The following UNC5B variants were observed in gnomAD, a reference collection of about 807,000 sequenced individuals.
The protein encoded by UNC5B is unc-5 netrin receptor B, also known as netrin receptor UNC5B.
UNC5B carries 56 observed loss-of-function variants against 103.7 expected under a neutral mutation model. The observed-to-expected ratio is 0.54, with a 90% CI of 0.44 to 0.67. The LOEUF (loss-of-function observed/expected upper bound fraction) is 0.67. UNC5B is among the 30% of genes least tolerant of loss of function. UNC5B has a pLI of 0.00. For synonymous variants in UNC5B, 577 were observed against 542.0 expected (o/e 1.06, Z -0.90); for missense variants, 1,194 against 1,284.5 (o/e 0.93, Z 1.08).
At chr10:71,233,799 G>A (rs907288591) in intron 1 of UNC5B, among the ~76,000 whole-genome samples, 1 of 152,202 alleles carries the variant, frequency 6.6e-6, no homozygotes. Context: ...TTCCTTCTTT[G>A]TCAGGACCCT....
intron 1 of UNC5B, among the ~76,000 whole-genome samples, chr10:71,215,809 G>A (rs1843317390): frequency 1.8e-4 from 1 of 5,606 alleles, no homozygotes; most frequent in African/African-American, 3.8e-4. Context: ...TCTGCTTGGT[G>A]TGTGTGTGTG....
In UNC5B at chr10:71,298,005, C is replaced by T. The variant is rs756959488; in HGVS notation, c.2587C>T (p.Arg863Cys). Residue 863 changes from arginine to cysteine, a missense_variant, in exon 16 of 17, where the codon CGC becomes TGC. Transcript: ENST00000335350. ...TGCCTTCAAGATCCCACTGTCCATC[C>T]GCCAGAAGATATGCAACAGCCTAGA... Reference protein sequence around the residue: ...PYAFKIPLSIRQKICNSLDAP... With the variant: ...PYAFKIPLSICQKICNSLDAP... 38 of 1,613,864 alleles carry T rather than the reference C, an allele frequency of 2.4e-5. No homozygotes were observed. Among genetic ancestry groups the T allele is most frequent in the East Asian group, 1.1e-4 (5 of 44,884 alleles).
intron 16 of UNC5B, 31 bp downstream of exon 16, chr10:71,298,121 T>C (rs1845491132): frequency 6.4e-7 from 1 of 1,558,980 alleles, no homozygotes; most frequent in Non-Finnish European, 8.7e-7. Flanking sequence ...CCCATCCCCA[T>C]CTGCCTTCGT....
chr10:71,265,427 T>C (rs1272462599), intron 1 of UNC5B, among the ~76,000 whole-genome samples: 1 of 152,174 alleles, frequency 6.6e-6, no homozygotes, highest in Non-Finnish European at 1.5e-5. Flanking sequence ...CTGCCCTGTC[T>C]AGCAGGGGCT....
At position 71,293,894 on chromosome 10, in the gene UNC5B, C is replaced by T. The variant is rs757205800; in HGVS notation, c.2136C>T (p.Leu712=). The T allele has an allele frequency of 4.1e-5, 66 of 1,605,358 alleles. No individual in the cohort carries two copies. In the Middle Eastern group the frequency reaches 8.3e-4, roughly 20 times the overall value. The change falls in exon 13 of 17, where the codon CTC becomes CTT. Residue 712 remains leucine, a synonymous_variant. Transcript: ENST00000335350. ...PALCTSLEYS[L]RVYCLEDTPV... ...TCTGCACCTCCCTGGAGTACAGCCT[C>T]CGGGTCTACTGCCTGGAGGACACGC... is the stretch of plus-strand genomic sequence containing the variant.
At chr10:71,291,193 C>G in intron 9 of UNC5B, 84 bp downstream of exon 9, 4 of 1,485,474 alleles carry the variant, frequency 2.7e-6, no homozygotes, top group Admixed American at 2.0e-5. Context: ...GAGCCAGGCT[C>G]CTGACTCCCT....
intron 1 of UNC5B, among the ~76,000 whole-genome samples, chr10:71,240,984 T>C (rs2132258939): frequency 6.6e-6 from 1 of 152,328 alleles, no homozygotes; most frequent in South Asian, 2.1e-4. Context: ...AATTTTGTTG[T>C]TGTTGTTGTT....
At chr10:71,280,393 A>G (rs376813100) in intron 2 of UNC5B, among the ~76,000 whole-genome samples, 2 of 152,152 alleles carry the variant, frequency 1.3e-5, no homozygotes, top group Admixed American at 1.3e-4. Flanking sequence ...CACGGCACCG[A>G]CCCAGAATTC....
chr10:71,260,694 G>C (rs1434698600), intron 1 of UNC5B, among the ~76,000 whole-genome samples: 1 of 152,246 alleles, frequency 6.6e-6, no homozygotes, highest in African/African-American at 2.4e-5. Flanking sequence ...CGGCAGCCAG[G>C]ATCAAAGGCA....
intron 1 of UNC5B, among the ~76,000 whole-genome samples, chr10:71,218,886 G>A (rs1843394278): frequency 6.6e-6 from 1 of 152,216 alleles, no homozygotes; most frequent in Admixed American, 6.5e-5. Flanking sequence ...ATCTCAGGCT[G>A]ACGTGGCTGG....
intron 4 of UNC5B, among the ~76,000 whole-genome samples, 154 bp downstream of exon 4, chr10:71,285,583 T>G (rs1020460831): frequency 5.9e-5 from 9 of 152,200 alleles, no homozygotes; most frequent in African/African-American, 1.9e-4. Flanking sequence ...AGAAGAGAAC[T>G]GTTACCTCTG....
intron 6 of UNC5B, among the ~76,000 whole-genome samples, 196 bp downstream of exon 6, chr10:71,287,961 A>T (rs1450346802): frequency 2.0e-5 from 3 of 152,084 alleles, no homozygotes; most frequent in African/African-American, 7.2e-5. Flanking sequence ...TGCTGGTGAG[A>T]TGGAGGCAGA....
intron 9 of UNC5B, 24 bp downstream of exon 9, chr10:71,291,133 G>A (rs1221448080): frequency 1.2e-5 from 20 of 1,600,516 alleles, no homozygotes; most frequent in Non-Finnish European, 1.5e-5. Flanking sequence ...GATGTCTGGG[G>A]TGGTTGGCAG....
chr10:71,218,418 C>T (rs1843382472), intron 1 of UNC5B, among the ~76,000 whole-genome samples: 1 of 152,188 alleles, frequency 6.6e-6, no homozygotes, highest in South Asian at 2.1e-4. Context: ...GGGGATTCCA[C>T]TTCAGGATGG....
At position 71,293,456 on chromosome 10, in the gene UNC5B, A is replaced by G. The variant is rs774556351; in HGVS notation, c.1824A>G (p.Gly608=). The change falls in exon 12 of 17, where the codon GGA becomes GGG. Residue 608 remains glycine (G), a synonymous_variant. Transcript: ENST00000335350. Reference sequence around the variant, plus strand: ...TATTGAGCCCCTCGGTGACCTGTGGACCCACAGGCCTCCTGCTGTGCCGCC... The same window carrying G: ...TATTGAGCCCCTCGGTGACCTGTGGGCCCACAGGCCTCCTGCTGTGCCGCC... The part of the protein sequence containing the change: ...QTVLSPSVTC[G]PTGLLLCRPV... 51 of 1,613,870 alleles carry G rather than the reference A, an allele frequency of 3.2e-5. No homozygotes were observed. In the South Asian group the frequency reaches 4.6e-4, roughly 15 times the overall value.
intron 4 of UNC5B, 96 bp downstream of exon 4, chr10:71,285,525 C>T: frequency 8.9e-7 from 1 of 1,117,416 alleles, no homozygotes; most frequent in South Asian, 1.6e-5. Context: ...TGGTGCTAGT[C>T]TCCCAGAGCC....
intron 1 of UNC5B, among the ~76,000 whole-genome samples, chr10:71,256,180 G>A (rs560033896): frequency 2.6e-5 from 4 of 152,290 alleles, no homozygotes; most frequent in Admixed American, 1.3e-4. Flanking sequence ...ATGGAGCTGT[G>A]GCACTGCTGT....
intron 1 of UNC5B, among the ~76,000 whole-genome samples, chr10:71,232,112 A>G (rs1014701373): frequency 1.3e-5 from 2 of 152,182 alleles, no homozygotes; most frequent in African/African-American, 4.8e-5. Context: ...TTTGACCCTC[A>G]TAGATGAGTT....
At position 71,213,726 on chromosome 10, in the gene UNC5B, A is replaced by AGTGTGTGTGTGT. The variant is rs1238732312; in HGVS notation, c.79+663_79+664insTGTGTGTGTGTG. ...TTATTATTAATTTTCTGAGTGTTGG[A>AGTGTGTGTGTGT]GAGTGTGTGTGTGTGTGTGTGTGTG... is the stretch of plus-strand genomic sequence containing the variant. On this transcript the variant is annotated intron_variant, in intron 1 of 16. Transcript: ENST00000335350. This position sits in a 1 kb window ranked among gnomAD's most constrained non-coding sequence, Gnocchi z 4.1. Among the ~76,000 whole-genome samples, 50 of 81,846 alleles carry AGTGTGTGTGTGT rather than the reference A, an allele frequency of 6.1e-4. No homozygotes were observed. The highest frequency in any genetic ancestry group is 2.6e-3 in the African/African-American group (50 of 19,022). The allele number at this position is 81,846 out of a possible 152,430, so 53.7% of individuals were successfully genotyped here. A position where few individuals can be genotyped will look rare whatever the true frequency, so the allele number is the denominator to read the frequency against.
Sources: gnomAD v4.1 joint callset for allele counts (sites outside exome capture counted in the v4.1 genomes callset) on GRCh38, gnomAD v4.1.1 for gene constraint, Gnocchi (gnomAD v3.1) non-coding constraint, MANE v1.5 for transcripts, NCBI Gene and HGNC (gene_info 2026-07-23, HGNC 2026-07-21) for gene names.